PARM1: variants seen among roughly 807,000 people sequenced by gnomAD.
The protein encoded by PARM1 is prostate androgen-regulated mucin-like protein 1, also known as WSC4, cell wall integrity and stress response component 4 homolog.
Under a neutral mutation model 24.6 loss-of-function variants are expected in PARM1, and 14 were observed. The ratio of observed to expected loss-of-function variants is 0.57; its 90% CI spans 0.38 to 0.89. The LOEUF is 0.89. Ranked by LOEUF, PARM1 falls within the 40% of genes least tolerant of loss-of-function variation. The pLI is 0.00. For missense variants in PARM1, 362 were observed against 380.4 expected, an observed-to-expected ratio of 0.95 and a Z score of 0.40; for synonymous variants, 179 against 156.6, an observed-to-expected ratio of 1.14 and a Z score of -1.07.
intron 1 of PARM1, among the ~76,000 whole-genome samples, chr4:74,939,074 T>G (rs1179702771): frequency 6.6e-6 from 1 of 152,214 alleles, no homozygotes; most frequent in Non-Finnish European, 1.5e-5. Context: ...TCTTTCTTTG[T>G]TGTTTATCTT....
At chr4:75,036,262 C>G (rs918428680) in intron 3 of PARM1, among the ~76,000 whole-genome samples, 1 of 152,210 alleles carries the variant, frequency 6.6e-6, no homozygotes, top group Non-Finnish European at 1.5e-5. Flanking sequence ...AGGACTCTTC[C>G]TCTTCACTTT....
At chr4:74,995,007 C>T (rs56030531) in intron 1 of PARM1, among the ~76,000 whole-genome samples, 306 of 152,134 alleles carry the variant, frequency 2.0e-3, no homozygotes, top group Non-Finnish European at 3.5e-3. Flanking sequence ...TAAGTGCATG[C>T]ATCATAGGCC....
chr4:74,997,048 A>G (rs930486756), intron 1 of PARM1, among the ~76,000 whole-genome samples: 1 of 152,222 alleles, frequency 6.6e-6, no homozygotes, highest in Non-Finnish European at 1.5e-5. Context: ...GATGAAGACT[A>G]GTGAATGCAA....
chr4:74,933,308 G>C lies in PARM1; in HGVS notation c.-20G>C, dbSNP rs75120017. ...CTCCTTGCCGCCCGCCCCGGGCTGG[G>C]CACCAAATACCAGGCTACCATGGTC... is the stretch of plus-strand genomic sequence containing the variant. On this transcript the variant is annotated 5_prime_UTR_variant, in exon 1 of 4. Transcript: ENST00000307428. The C allele has an allele frequency of 0.079, 126,689 of 1,606,188 alleles. 5,503 individuals carry two copies. The highest frequency in any genetic ancestry group is 0.088 in the Non-Finnish European group (103,099 of 1,175,936).
chr4:75,044,500 T>C (rs1377977791), intron 3 of PARM1, among the ~76,000 whole-genome samples: 1 of 152,224 alleles, frequency 6.6e-6, no homozygotes, highest in Non-Finnish European at 1.5e-5. Context: ...GATATTCTTC[T>C]GGGTGCTGGA....
At chr4:74,976,216 G>T (rs771381730) in intron 1 of PARM1, among the ~76,000 whole-genome samples, 4 of 152,210 alleles carry the variant, frequency 2.6e-5, no homozygotes, top group Non-Finnish European at 5.9e-5. Flanking sequence ...GGTTCCTGGG[G>T]AGAGGGGTGA....
chr4:74,971,579 G>C (rs1200756168), intron 1 of PARM1, among the ~76,000 whole-genome samples: 1 of 152,110 alleles, frequency 6.6e-6, no homozygotes, highest in Non-Finnish European at 1.5e-5. Context: ...ACAAGTGTCT[G>C]ATAGTTGACA....
At chr4:74,937,148 C>T (rs1209706139) in intron 1 of PARM1, among the ~76,000 whole-genome samples, 2 of 152,148 alleles carry the variant, frequency 1.3e-5, no homozygotes, top group Non-Finnish European at 2.9e-5. Flanking sequence ...CTTACTTCAC[C>T]CTGCACATTT....
chr4:74,967,672 A>G (rs1489461070), intron 1 of PARM1: 2 of 152,196 alleles, frequency 1.3e-5, no homozygotes, highest in Non-Finnish European at 2.9e-5. Flanking sequence ...CTCCATAAAT[A>G]CATTCTGAAA....
Position 74,949,093 on chromosome 4 carries a change from G to T in PARM1, c.43+15723G>T, listed in dbSNP as rs192388603. ...TTTACAGACAAGCTTGTTATATTTG[G>T]GCAATCATCATTACCTGAACATCCT... is the stretch of plus-strand genomic sequence containing the variant. On this transcript the variant is annotated intron_variant, in intron 1 of 3. Transcript: ENST00000307428. Among the ~76,000 whole-genome samples the T allele has an allele frequency of 2.8e-3, 421 of 152,154 alleles. 1 individual carries two copies. The highest frequency in any genetic ancestry group is 4.7e-3 in the Non-Finnish European group (322 of 67,982).
rs1353055411 is a variant in PARM1 at position 75,033,908 on chromosome 4, A to T, written c.795A>T (p.Thr265=). 6.2e-7 allele frequency: 1 copy of T among 1,604,816 alleles called. No homozygotes were observed. Among genetic ancestry groups the T allele is most frequent in the Admixed American group, 1.7e-5 (1 of 59,032 alleles). ...GCAGCATCGCCGCCATTACCGTGAC[A>T]GTCATTGCCGTGGTGCTGCTGGTGT... ...SSGSIAAITV[T]VIAVVLLVFG... The change falls in exon 3 of 4, where the codon ACA becomes ACT. Residue 265 remains threonine (T), a synonymous_variant. Transcript: ENST00000307428.
chr4:74,953,641 A>G (rs1721573142), intron 1 of PARM1, among the ~76,000 whole-genome samples: 1 of 152,266 alleles, frequency 6.6e-6, no homozygotes, highest in Non-Finnish European at 1.5e-5. Flanking sequence ...AGGGGTGAGC[A>G]GGTCAACCAG....
At chr4:74,933,518 G>A (rs148582247) in intron 1 of PARM1, 148 bp downstream of exon 1, 4 of 696,868 alleles carry the variant, frequency 5.7e-6, no homozygotes, top group African/African-American at 5.3e-5. Context: ...TAGATTTGGG[G>A]TGACGTGCAC....
In PARM1 at chr4:75,002,415, C is replaced by A. The variant is rs17000069; in HGVS notation, c.44-10010C>A. ...AACAGATGTCTGAATTTTACAAACACCCAAACTCAAAGACTTTTTATCTTT... is the reference window on the plus strand; with the variant it reads ...AACAGATGTCTGAATTTTACAAACAACCAAACTCAAAGACTTTTTATCTTT... On this transcript the variant is annotated intron_variant, in intron 1 of 3. Coordinates refer to ENST00000307428, the MANE Select transcript of PARM1 (RefSeq NM_015393.4). Among the ~76,000 whole-genome samples, 509 of 151,986 alleles carry A rather than the reference C, an allele frequency of 3.3e-3. 6 individuals are homozygous for A. Among genetic ancestry groups the A allele is most frequent in the African/African-American group, 0.011 (474 of 41,450 alleles).
chr4:74,935,338 G>C (rs1406323254), intron 1 of PARM1, among the ~76,000 whole-genome samples: 4 of 152,164 alleles, frequency 2.6e-5, no homozygotes, highest in African/African-American at 4.8e-5. Context: ...TTTGTTGTTA[G>C]AGCTACTTTG....
At chr4:75,025,168 C>G (rs1191534704) in intron 2 of PARM1, among the ~76,000 whole-genome samples, 3 of 152,182 alleles carry the variant, frequency 2.0e-5, no homozygotes, top group Non-Finnish European at 4.4e-5. Flanking sequence ...AGTCCATATT[C>G]ACCCCTCTAA....
chr4:74,935,122 C>A (rs1721153276), intron 1 of PARM1, among the ~76,000 whole-genome samples: 1 of 152,016 alleles, frequency 6.6e-6, no homozygotes, highest in Non-Finnish European at 1.5e-5. Flanking sequence ...GGCTGAGCAC[C>A]ACTCCTACCC....
chr4:75,045,195 G>A (rs912719851), intron 3 of PARM1, among the ~76,000 whole-genome samples: 3 of 152,206 alleles, frequency 2.0e-5, no homozygotes, highest in Admixed American at 6.5e-5. Context: ...AGGCCCTGAG[G>A]CAAAGGTGTG....
intron 1 of PARM1, among the ~76,000 whole-genome samples, chr4:74,947,717 A>G (rs1256577401): frequency 6.6e-6 from 1 of 152,164 alleles, no homozygotes; most frequent in Non-Finnish European, 1.5e-5. Flanking sequence ...TTATAGGAAA[A>G]ATGACTGTGA....
Sources: allele counts gnomAD v4.1 joint callset (sites outside exome capture counted in the v4.1 genomes callset), GRCh38; gene constraint gnomAD v4.1.1; transcripts MANE v1.5; gene names NCBI Gene and HGNC (gene_info 2026-07-23, HGNC 2026-07-21).